CSGALNACT1: variants seen among roughly 807,000 people sequenced by gnomAD.
CSGALNACT1 encodes the protein beta4GalNAcT-1.
A neutral mutation model predicts 51.0 loss-of-function variants in CSGALNACT1; 52 were observed. That is an observed-to-expected ratio of 1.02 (90% CI 0.82 to 1.29). The LOEUF (loss-of-function observed/expected upper bound fraction) is 1.29, where lower values mean the gene tolerates loss of function less well. Among genes scored for constraint, CSGALNACT1 ranks in the 50% most tolerant of loss-of-function variants. CSGALNACT1 has a pLI of 0.00. For synonymous variants in CSGALNACT1, 341 were observed against 254.4 expected, an observed-to-expected ratio of 1.34 and a Z score of -3.24; for missense variants, 935 against 679.2, an observed-to-expected ratio of 1.38 and a Z score of -4.19.
At chr8:19,481,386 A>G (rs2071359544) in intron 4 of CSGALNACT1, among the ~76,000 whole-genome samples, 1 of 152,076 alleles carries the variant, frequency 6.6e-6, no homozygotes, top group Admixed American at 6.6e-5. Flanking sequence ...CTTATTCAAA[A>G]ATCTTGACTA....
chr8:19,479,607 A>T (rs76445084), intron 4 of CSGALNACT1, among the ~76,000 whole-genome samples: 2,293 of 152,296 alleles, frequency 0.015, 56 homozygotes, highest in African/African-American at 0.053. Flanking sequence ...CATGAAAGGT[A>T]TAAGAAGTGC....
At chr8:19,448,411 T>G (rs573746567) in intron 5 of CSGALNACT1, among the ~76,000 whole-genome samples, 2 of 152,200 alleles carry the variant, frequency 1.3e-5, no homozygotes, top group Admixed American at 1.3e-4. Flanking sequence ...GGAAATCCTA[T>G]ATCCGAGAAA....
intron 1 of CSGALNACT1, among the ~76,000 whole-genome samples, chr8:19,745,739 G>T (rs1201459225): frequency 6.6e-6 from 1 of 152,158 alleles, no homozygotes; most frequent in Non-Finnish European, 1.5e-5. Context: ...ATGCCAGGGG[G>T]TCATGTCCAG....
chr8:19,566,075 A>C (rs376907626), intron 3 of CSGALNACT1, among the ~76,000 whole-genome samples: 1 of 152,306 alleles, frequency 6.6e-6, no homozygotes, highest in South Asian at 2.1e-4. Context: ...AATCCATAAA[A>C]CCTTTTGTCT....
intron 4 of CSGALNACT1, among the ~76,000 whole-genome samples, chr8:19,463,834 G>A (rs1472099172): frequency 1.3e-5 from 2 of 152,042 alleles, no homozygotes; most frequent in Non-Finnish European, 2.9e-5. Context: ...CTACTCAATG[G>A]GCCAGGATCT....
intron 3 of CSGALNACT1, among the ~76,000 whole-genome samples, chr8:19,576,510 A>G (rs13248137): frequency 0.13 from 19,714 of 150,956 alleles, 1,841 homozygotes; most frequent in African/African-American, 0.27. Context: ...AATCTTTCAC[A>G]TGAACCTGCT....
chr8:19,651,552 A>C (rs2057802576), intron 1 of CSGALNACT1, among the ~76,000 whole-genome samples: 1 of 152,212 alleles, frequency 6.6e-6, no homozygotes, highest in Admixed American at 6.5e-5. Flanking sequence ...CACTTAGGAT[A>C]AGGGCCTCCA....
At chr8:19,549,656 CTTTTTT>C (rs542956513) in intron 3 of CSGALNACT1, among the ~76,000 whole-genome samples, 2 of 83,460 alleles carry the variant, frequency 2.4e-5, no homozygotes, top group Non-Finnish European at 4.5e-5. Flanking sequence ...CAATTTCCTA[CTTTTTT>C]TTTTTTTTTT....
At chr8:19,516,020 G>A (rs771665652) in intron 3 of CSGALNACT1, among the ~76,000 whole-genome samples, 5 of 152,066 alleles carry the variant, frequency 3.3e-5, no homozygotes, top group East Asian at 1.9e-4. Context: ...GCCAAACCCC[G>A]CAAGGAGACC....
At chr8:19,454,540 A>G (rs2063737280) in intron 5 of CSGALNACT1, among the ~76,000 whole-genome samples, 3 of 152,108 alleles carry the variant, frequency 2.0e-5, no homozygotes, top group Non-Finnish European at 4.4e-5. Context: ...GTGTGGTGGT[A>G]CATGCCTGTA....
At chr8:19,676,939 A>G (rs1447172564) in intron 1 of CSGALNACT1, among the ~76,000 whole-genome samples, 2 of 152,230 alleles carry the variant, frequency 1.3e-5, no homozygotes, top group African/African-American at 4.8e-5. Flanking sequence ...AATGGATTTG[A>G]CAATGAAAGA....
chr8:19,567,304 G>C (rs1343015951), intron 3 of CSGALNACT1, among the ~76,000 whole-genome samples: 1 of 152,204 alleles, frequency 6.6e-6, no homozygotes, highest in Non-Finnish European at 1.5e-5. Flanking sequence ...GCAGTCGTTA[G>C]CCAGGAAAAA....
chr8:19,412,661 A>G (rs1042580163), intron 8 of CSGALNACT1, among the ~76,000 whole-genome samples: 1 of 152,162 alleles, frequency 6.6e-6, no homozygotes, highest in African/African-American at 2.4e-5. Context: ...GCCCCCATAC[A>G]TGGAAGGCCC....
At chr8:19,750,959 G>A (rs1485177205) in intron 1 of CSGALNACT1, among the ~76,000 whole-genome samples, 3 of 152,116 alleles carry the variant, frequency 2.0e-5, no homozygotes, top group Non-Finnish European at 4.4e-5. Flanking sequence ...TTTTTGAGCT[G>A]CTAGAAAAAG....
chr8:19,467,750 C>T (rs2067054304), intron 4 of CSGALNACT1, among the ~76,000 whole-genome samples: 1 of 152,016 alleles, frequency 6.6e-6, no homozygotes, highest in African/African-American at 2.4e-5. Flanking sequence ...TTTGGGAGGC[C>T]AAGGCAGGTG....
chr8:19,440,052 G>T, intron 5 of CSGALNACT1, 121 bp from the exon 5 acceptor site: 1 of 788,282 alleles, frequency 1.3e-6, no homozygotes, highest in Admixed American at 2.0e-5. Context: ...ACTTCCAGGA[G>T]AGCCGAGATG....
At chr8:19,442,905 G>A (rs925583149) in intron 5 of CSGALNACT1, among the ~76,000 whole-genome samples, 18 of 152,122 alleles carry the variant, frequency 1.2e-4, no homozygotes, top group Admixed American at 1.1e-3. Flanking sequence ...AGCACCCAAT[G>A]TTATGACTAT....
chr8:19,662,230 A>C (rs1222533693), intron 1 of CSGALNACT1, among the ~76,000 whole-genome samples: 3 of 151,718 alleles, frequency 2.0e-5, no homozygotes, highest in African/African-American at 7.3e-5. Context: ...CTACAAATAC[A>C]AAACTAGCCA....
At chr8:19,422,099 G>C (rs184561778) in intron 6 of CSGALNACT1, among the ~76,000 whole-genome samples, 333 of 152,264 alleles carry the variant, frequency 2.2e-3, no homozygotes, top group African/African-American at 7.6e-3. Flanking sequence ...AGTGGTTACA[G>C]AGCTCAAATT....
Sources: gnomAD v4.1 joint callset for allele counts (sites outside exome capture counted in the v4.1 genomes callset) on GRCh38, gnomAD v4.1.1 for gene constraint, MANE v1.5 for transcripts, NCBI Gene and HGNC (gene_info 2026-07-23, HGNC 2026-07-21) for gene names.